The following PKHD1L1 variants were observed in gnomAD, a reference collection of about 807,000 sequenced individuals.
PKHD1L1 encodes the protein PKHD1 like 1.
PKHD1L1 carries 434 observed loss-of-function variants against 462.9 expected under a neutral mutation model. The ratio of observed to expected loss-of-function variants is 0.94; its 90% CI spans 0.87 to 1.02. The LOEUF is 1.02. Among genes scored for constraint, PKHD1L1 ranks in the 50% least tolerant of loss-of-function variants. The probability of loss-of-function intolerance (pLI) is 0.00; values close to 1 mark genes in which losing one functional copy is unlikely to be tolerated. For missense variants in PKHD1L1, 5,202 were observed against 5,096.1 expected (o/e 1.02, Z -0.63); for synonymous variants, 1,781 against 1,750.0 (o/e 1.02, Z -0.44).
chr8:109,440,841 C>A lies in PKHD1L1; in HGVS notation c.4088C>A (p.Thr1363Asn), dbSNP rs747734350. 1.2e-6 allele frequency: 2 copies of A among 1,612,320 alleles called. No homozygotes were observed. Among genetic ancestry groups the A allele is most frequent in the South Asian group, 2.2e-5 (2 of 90,882 alleles). Residue 1363 changes from threonine to asparagine, a missense_variant, in exon 33 of 78, where the codon ACC (threonine) becomes AAC (asparagine). Thr to Asn is a moderately conservative substitution (Grantham distance 65). This residue lies in a region of PKHD1L1 where 4,497 missense variants were observed against 4,336.8 expected (regional missense o/e 1.04). Transcript: ENST00000378402. ...FGFSTIPAEN[T>N]VLLGSIPCNV... is the part of the protein sequence containing the mutation. ...TTCAGCACAATACCAGCTGAGAATA[C>A]CGTGCTGTTAGGTAAGAGCTTCATT...
At chr8:109,523,034 C>G (rs1053334233) in intron 75 of PKHD1L1, 144 bp downstream of exon 75, 12 of 1,060,168 alleles carry the variant, frequency 1.1e-5, no homozygotes, top group Non-Finnish European at 1.6e-5. Context: ...CCAAGGATAC[C>G]ATCTTGTAAT....
At chr8:109,419,616 A>G (rs1814363531) in intron 22 of PKHD1L1, among the ~76,000 whole-genome samples, 1 of 152,176 alleles carries the variant, frequency 6.6e-6, no homozygotes, top group South Asian at 2.1e-4. Flanking sequence ...AACTACTGAC[A>G]TTGACATCTG....
Position 109,441,332 on chromosome 8 carries a change from A to T in PKHD1L1, c.4157A>T (p.His1386Leu). The T allele has an allele frequency of 6.3e-7, 1 of 1,591,022 alleles. No homozygotes were observed. The highest frequency in any genetic ancestry group is 8.6e-7 in the Non-Finnish European group (1 of 1,164,388). Residue 1386 changes from histidine (H) to leucine (L), a missense_variant, in exon 34 of 78, where the codon CAT (histidine) becomes CTT (leucine). Transcript: ENST00000378402. ...GAAAATGTCATAAAATGTATTCTTC[A>T]TTCAACTGGGAATATATTCAGGATT... is the stretch of plus-strand genomic sequence containing the variant. Reference protein sequence around the residue: ...SSENVIKCILHSTGNIFRITN... With the variant: ...SSENVIKCILLSTGNIFRITN...
intron 8 of PKHD1L1, 125 bp downstream of exon 8, chr8:109,389,277 G>A (rs1812593455): frequency 3.0e-6 from 2 of 656,616 alleles, no homozygotes; most frequent in Admixed American, 3.3e-5. Context: ...TTTGTTTTTT[G>A]TATTTTCTCT....
At chr8:109,463,339 C>T (rs371791233) in intron 48 of PKHD1L1, among the ~76,000 whole-genome samples, 3 of 152,062 alleles carry the variant, frequency 2.0e-5, no homozygotes, top group Admixed American at 6.6e-5. Flanking sequence ...AGGCACACCT[C>T]GACTGCATTG....
At chr8:109,447,022 G>A (rs190196547) in intron 38 of PKHD1L1, among the ~76,000 whole-genome samples, 59 of 152,214 alleles carry the variant, frequency 3.9e-4, no homozygotes, top group African/African-American at 1.3e-3. Flanking sequence ...TCAGGAGTTC[G>A]AGATCAGCCT....
In PKHD1L1 at chr8:109,477,344, G is replaced by A; in HGVS notation, c.9037G>A (p.Val3013Ile). The change falls in exon 53 of 78, where the codon GTA becomes ATA. Residue 3013 changes from valine to isoleucine, a missense_variant. By Grantham distance (29) the Val-to-Ile change is conservative. Coordinates refer to ENST00000378402, the MANE Select transcript of PKHD1L1 (RefSeq NM_177531.6). ...TTGTATTCTCCAGGATTGCTTTCCTGTACATCCGCCATCAAGAAAACCAAT... is the reference window on the plus strand; with the variant it reads ...TTGTATTCTCCAGGATTGCTTTCCTATACATCCGCCATCAAGAAAACCAAT... ...YCCILQDCFPVHPPSRKPIPK... is the reference protein window; with the variant it reads ...YCCILQDCFPIHPPSRKPIPK... 6.2e-7 allele frequency: 1 copy of A among 1,613,312 alleles called. No individual in the cohort carries two copies. The highest frequency in any genetic ancestry group is 8.5e-7 in the Non-Finnish European group (1 of 1,179,600).
chr8:109,507,812 T>C lies in PKHD1L1; in HGVS notation c.11144T>C (p.Ile3715Thr), dbSNP rs1483336626. Residue 3715 changes from isoleucine (I) to threonine (T), a missense_variant, in exon 69 of 78, where the codon ATT (isoleucine) becomes ACT (threonine). By Grantham distance (89) the Ile-to-Thr change is moderately conservative (BLOSUM62 -1). Transcript: ENST00000378402. ...YEWDGNSQVG[I>T]GDYRIPKAML... is the part of the protein sequence containing the mutation. ...TGGGACGGAAACAGCCAAGTAGGAA[T>C]TGGAGACTACAGAATTCCTAAGGCG... 1 of 1,613,540 alleles carries C rather than the reference T, an allele frequency of 6.2e-7. No homozygotes were observed. Among genetic ancestry groups the C allele is most frequent in the Non-Finnish European group, 8.5e-7 (1 of 1,179,680 alleles).
chr8:109,483,170 A>G (rs1818356284), intron 57 of PKHD1L1, 65 bp downstream of exon 57: 2 of 1,158,256 alleles, frequency 1.7e-6, no homozygotes, highest in East Asian at 2.9e-5. Flanking sequence ...AAAAGTTTCT[A>G]TTCTACTCTC....
intron 46 of PKHD1L1, among the ~76,000 whole-genome samples, chr8:109,457,188 G>A (rs991353168): frequency 1.3e-5 from 2 of 152,056 alleles, no homozygotes; most frequent in African/African-American, 2.4e-5. Context: ...TTGTGTTAAG[G>A]CCATGATACA....
At chr8:109,378,143 A>G (rs1811931565) in intron 2 of PKHD1L1, among the ~76,000 whole-genome samples, 1 of 152,160 alleles carries the variant, frequency 6.6e-6, no homozygotes, top group Non-Finnish European at 1.5e-5. Context: ...ATTAAACTCC[A>G]AAAAATGTTA....
chr8:109,417,894 C>G (rs1371160459), intron 21 of PKHD1L1, among the ~76,000 whole-genome samples: 1 of 152,166 alleles, frequency 6.6e-6, no homozygotes, highest in East Asian at 1.9e-4. Context: ...GTCAGACAGT[C>G]CACCTGGATC....
At chr8:109,392,572 A>G (rs149556237) in intron 9 of PKHD1L1, among the ~76,000 whole-genome samples, 2 of 151,926 alleles carry the variant, frequency 1.3e-5, no homozygotes, top group Non-Finnish European at 2.9e-5. Flanking sequence ...GTGTTTCTGT[A>G]TAAAGTATTC....
At chr8:109,367,981 A>G (rs1405891061) in intron 2 of PKHD1L1, among the ~76,000 whole-genome samples, 1 of 152,200 alleles carries the variant, frequency 6.6e-6, no homozygotes, top group Non-Finnish European at 1.5e-5. Flanking sequence ...ACCCAGGCCA[A>G]AGTGTTTTGA....
intron 50 of PKHD1L1, chr8:109,471,094 C>T: frequency 6.5e-7 from 1 of 1,529,286 alleles, no homozygotes; most frequent in Admixed American, 1.7e-5. Flanking sequence ...AAACATACAG[C>T]AGCATCTGAA....
rs2130603082 is a variant in PKHD1L1, at chr8:109,412,294, T to A, written c.2115T>A (p.Ala705=). The A allele has an allele frequency of 6.2e-7, 1 of 1,613,836 alleles. No homozygotes were observed. The highest frequency in any genetic ancestry group is 2.2e-5 in the East Asian group (1 of 44,878). ...ATATTAACAGAGGGCAGAAGACAGC[T>A]GAAACCGATGCTTACTGTGGTCGTT... is the stretch of plus-strand genomic sequence containing the variant. ...LEHINRGQKT[A]ETDAYCGRYS... Residue 705 remains alanine, a synonymous_variant, in exon 20 of 78, where the codon GCT becomes GCA. Coordinates refer to ENST00000378402, the MANE Select transcript of PKHD1L1 (RefSeq NM_177531.6).
Position 109,438,469 on chromosome 8 carries a change from T to G in PKHD1L1, c.3760+13T>G, listed in dbSNP as rs1815568348. 1 of 1,529,336 alleles carries G rather than the reference T, an allele frequency of 6.5e-7. No homozygotes were observed. The allele number at this position is 1,529,336 out of a possible 1,614,324, so 94.7% of individuals were successfully genotyped here. A position where few individuals can be genotyped will look rare whatever the true frequency, so the allele number is the denominator to read the frequency against. ...CGAACAATACTAGGTAAGAAATTCTTCAATAAGATTGGTCATTTGTCCTAT... is the reference window on the plus strand; with the variant it reads ...CGAACAATACTAGGTAAGAAATTCTGCAATAAGATTGGTCATTTGTCCTAT... On this transcript the variant is annotated intron_variant, in intron 31 of 77. Transcript: ENST00000378402.
rs1204547473 is a variant in PKHD1L1 at position 109,498,790 on chromosome 8, A to G, written c.10828+19A>G. The G allele has an allele frequency of 4.5e-6, 7 of 1,543,066 alleles. No individual in the cohort carries two copies. Among genetic ancestry groups the G allele is most frequent in the Non-Finnish European group, 6.2e-6 (7 of 1,124,234 alleles). On this transcript the variant is annotated intron_variant, in intron 67 of 77. Coordinates refer to ENST00000378402, the MANE Select transcript of PKHD1L1 (RefSeq NM_177531.6). ...ATCTCAGGCAAGTACACAGTCTTTTACAAATCTTCTCAATTAATTTCTGTA... is the reference window on the plus strand; with the variant it reads ...ATCTCAGGCAAGTACACAGTCTTTTGCAAATCTTCTCAATTAATTTCTGTA...
At chr8:109,417,771 C>T (rs1476619389) in intron 21 of PKHD1L1, among the ~76,000 whole-genome samples, 5 of 152,106 alleles carry the variant, frequency 3.3e-5, no homozygotes, top group Non-Finnish European at 4.4e-5. Flanking sequence ...AGGCTGGTCT[C>T]GAGCTCCTGA....
Sources: allele counts gnomAD v4.1 joint callset (sites outside exome capture counted in the v4.1 genomes callset), GRCh38; gene constraint gnomAD v4.1.1; regional missense constraint gnomAD v4.1.1; transcripts MANE v1.5; gene names NCBI Gene and HGNC (gene_info 2026-07-23, HGNC 2026-07-21).